The following STK3 variants were observed in gnomAD, a reference collection of about 807,000 sequenced individuals.
STK3 encodes serine/threonine kinase 3, also known as serine/threonine-protein kinase 3.
In STK3, 41 loss-of-function variants were observed where a neutral mutation model predicts 58.0. That is an observed-to-expected ratio of 0.71 (90% CI 0.55 to 0.92). The LOEUF (loss-of-function observed/expected upper bound fraction) is 0.92, where lower values mean the gene tolerates loss of function less well. Ranked by LOEUF, STK3 falls within the 40% of genes least tolerant of loss-of-function variation. The pLI is 0.00. For missense variants in STK3, 479 were observed against 602.7 expected, an observed-to-expected ratio of 0.79 and a Z score of 2.15; for synonymous variants, 170 against 191.0, an observed-to-expected ratio of 0.89 and a Z score of 0.91.
intron 3 of STK3, chr8:98,427,859 C>T: frequency 1.3e-6 from 1 of 791,506 alleles, no homozygotes; most frequent in Non-Finnish European, 2.0e-6. Flanking sequence ...GAGGCCTGGG[C>T]CCGCCAGTAA....
intron 8 of STK3, among the ~76,000 whole-genome samples, chr8:98,571,137 C>G (rs989858040): frequency 9.2e-5 from 14 of 152,130 alleles, no homozygotes; most frequent in African/African-American, 3.1e-4. Context: ...CAAGACCAGC[C>G]TGGCCAACAT....
chr8:98,533,756 C>T (rs1352856520), intron 9 of STK3, among the ~76,000 whole-genome samples: 2 of 152,212 alleles, frequency 1.3e-5, no homozygotes, highest in East Asian at 3.8e-4. Context: ...TCCCAAAGTG[C>T]TGGCATCACA....
At chr8:98,413,991 AG>A (rs1419126228) in intron 3 of STK3, among the ~76,000 whole-genome samples, 1 of 152,212 alleles carries the variant, frequency 6.6e-6, no homozygotes, top group African/African-American at 2.4e-5. Context: ...TGGCCAGGCC[AG>A]GTGGCTCATG....
intron 6 of STK3, among the ~76,000 whole-genome samples, chr8:98,690,741 G>A (rs185995195): frequency 1.3e-4 from 20 of 152,162 alleles, no homozygotes; most frequent in African/African-American, 4.6e-4. Flanking sequence ...AATAGCCAAG[G>A]CAATTCTAAG....
rs554406174 is a variant in STK3, at chr8:98,414,173, A to G, written n.484-12660T>C. ...CAGCTACTCAGGAGGCTGAGGTGGG[A>G]GAATTGCTTGAACCTGGGAGGCGGA... On this transcript the variant is annotated intron_variant and non_coding_transcript_variant, in intron 3 of 3. Transcript: ENST00000517832. Among the ~76,000 whole-genome samples, 3 of 152,296 alleles carry G rather than the reference A, an allele frequency of 2.0e-5. No homozygotes were observed. In the East Asian group the frequency reaches 5.8e-4, roughly 29 times the overall value.
chr8:98,780,157 T>G (rs910450192), intron 1 of STK3, among the ~76,000 whole-genome samples: 3 of 151,402 alleles, frequency 2.0e-5, no homozygotes, highest in African/African-American at 7.3e-5. Context: ...TTATGGTATA[T>G]TTTACCTATT....
chr8:98,451,085 C>A (rs763525872), downstream of STK3, among the ~76,000 whole-genome samples: 1 of 152,030 alleles, frequency 6.6e-6, no homozygotes, highest in Non-Finnish European at 1.5e-5. Flanking sequence ...GATGGTGTAT[C>A]AAAAATGCAT....
chr8:98,398,276 C>T (rs1318439949), downstream of STK3, among the ~76,000 whole-genome samples: 1 of 152,098 alleles, frequency 6.6e-6, no homozygotes, highest in African/African-American at 2.4e-5. Context: ...CCCATTCCTA[C>T]CCAAAGCTTT....
intron 8 of STK3, among the ~76,000 whole-genome samples, chr8:98,549,251 A>C (rs757874128): frequency 1.3e-4 from 20 of 152,170 alleles, no homozygotes; most frequent in Admixed American, 7.2e-4. Context: ...ACTTCTCCAC[A>C]TCCTTGGCAA....
At chr8:98,547,689 C>CT (rs1379793901) in intron 9 of STK3, among the ~76,000 whole-genome samples, 1 of 152,130 alleles carries the variant, frequency 6.6e-6, no homozygotes, top group Non-Finnish European at 1.5e-5. Context: ...GGAACACTAT[C>CT]TTTTTCTCTC....
At chr8:98,747,323 C>CA (rs888742171) in intron 4 of STK3, among the ~76,000 whole-genome samples, 11 of 151,452 alleles carry the variant, frequency 7.3e-5, no homozygotes, top group South Asian at 6.2e-4. Context: ...AAGCAGATCA[C>CA]AAAAAAAACA....
intron 7 of STK3, chr8:98,595,770 A>C (rs761359344): frequency 5.1e-5 from 15 of 295,906 alleles, no homozygotes; most frequent in Non-Finnish European, 8.8e-5. Context: ...GGAACAGAAG[A>C]AAAAAAAAAC....
intron 4 of STK3, chr8:98,721,103 C>A (rs934418822): frequency 7.1e-6 from 7 of 985,178 alleles, no homozygotes; most frequent in Middle Eastern, 5.2e-4. Flanking sequence ...ATTCCTTTCA[C>A]CCTGAGTACA....
chr8:98,848,907 T>G (rs1836322280), intron 3 of STK3, among the ~76,000 whole-genome samples: 1 of 152,190 alleles, frequency 6.6e-6, no homozygotes, highest in Non-Finnish European at 1.5e-5. Flanking sequence ...GTTTAACTGC[T>G]TGATGAAGGC....
chr8:98,891,335 C>T (rs577413097), intron 1 of STK3, among the ~76,000 whole-genome samples: 1 of 152,256 alleles, frequency 6.6e-6, no homozygotes, highest in East Asian at 1.9e-4. Flanking sequence ...TTTTAAATCT[C>T]ATTGCTTTGT....
chr8:98,847,843 T>C lies in STK3; in HGVS notation c.110+35804A>G, dbSNP rs536898345. On this transcript the variant is annotated intron_variant, in intron 3 of 12. Coordinates refer to the STK3 transcript ENST00000523601. ...TACCTTACCTCTCACTAACTTTAGC[T>C]CCAGGTTCAAGTAGGGAATAGAGTC... Among the ~76,000 whole-genome samples the C allele has an allele frequency of 1.9e-4, 29 of 152,282 alleles. No homozygotes were observed. The South Asian group carries it at 3.5e-3, about 18-fold the overall frequency.
chr8:98,526,616 T>C, intron 10 of STK3, 126 bp downstream of exon 10: 1 of 765,734 alleles, frequency 1.3e-6, no homozygotes, highest in Non-Finnish European at 1.8e-6. Flanking sequence ...GTATAATGAA[T>C]ATTAACATAT....
At chr8:98,735,643 G>A (rs1828520373) in intron 4 of STK3, among the ~76,000 whole-genome samples, 1 of 152,040 alleles carries the variant, frequency 6.6e-6, no homozygotes, top group Non-Finnish European at 1.5e-5. Flanking sequence ...TAGAATACAG[G>A]AGTTTTACCT....
At chr8:98,644,507 C>G (rs1587134463) in intron 6 of STK3, among the ~76,000 whole-genome samples, 1 of 152,102 alleles carries the variant, frequency 6.6e-6, no homozygotes, top group Admixed American at 6.5e-5. Flanking sequence ...TGTTTACAGT[C>G]TGTGACCAAA....
Sources: gnomAD v4.1 joint callset for allele counts (sites outside exome capture counted in the v4.1 genomes callset) on GRCh38, gnomAD v4.1.1 for gene constraint, MANE v1.5 for transcripts, NCBI Gene and HGNC (gene_info 2026-07-23, HGNC 2026-07-21) for gene names.